LTBP1: variants seen among roughly 807,000 people sequenced by gnomAD.
LTBP1 encodes the protein latent-transforming growth factor beta-binding protein 1.
A neutral mutation model predicts 207.6 loss-of-function variants in LTBP1; 129 were observed. The observed-to-expected ratio is 0.62, with a 90% CI of 0.54 to 0.72. The LOEUF is 0.72. LTBP1 is among the 30% of genes least tolerant of loss of function. The pLI, the probability that LTBP1 is intolerant of heterozygous loss-of-function variation, is 0.00. For synonymous variants in LTBP1, 963 were observed against 833.7 expected (o/e 1.16, Z -2.67); for missense variants, 2,281 against 2,217.2 (o/e 1.03, Z -0.58).
At chr2:33,192,577 C>G (rs1223454246) in intron 7 of LTBP1, among the ~76,000 whole-genome samples, 1 of 150,830 alleles carries the variant, frequency 6.6e-6, no homozygotes, top group East Asian at 1.9e-4. Flanking sequence ...TAGAAAGAGA[C>G]ACAAAAAATA....
chr2:33,041,363 C>T (rs1228094386), intron 3 of LTBP1, among the ~76,000 whole-genome samples: 1 of 152,140 alleles, frequency 6.6e-6, no homozygotes. Flanking sequence ...CGGCTCACTG[C>T]AACCTCCGCC....
At chr2:33,329,424 T>G (rs1315366256) in intron 24 of LTBP1, among the ~76,000 whole-genome samples, 1 of 152,198 alleles carries the variant, frequency 6.6e-6, no homozygotes, top group East Asian at 1.9e-4. Flanking sequence ...GTGTTTTAAT[T>G]GTTTTATTTC....
At chr2:33,261,078 G>T (rs191921165) in intron 13 of LTBP1, among the ~76,000 whole-genome samples, 2 of 152,304 alleles carry the variant, frequency 1.3e-5, no homozygotes, top group East Asian at 3.9e-4. Context: ...GACAGCAAGG[G>T]TCATGAAAGA....
chr2:33,206,827 A>C (rs1044315462), intron 7 of LTBP1, among the ~76,000 whole-genome samples: 1 of 151,988 alleles, frequency 6.6e-6, no homozygotes, highest in Non-Finnish European at 1.5e-5. Context: ...GATAGTAATC[A>C]TGGCTATATG....
chr2:33,356,789 G>A (rs2094867592), intron 26 of LTBP1, among the ~76,000 whole-genome samples: 2 of 152,188 alleles, frequency 1.3e-5, no homozygotes, highest in African/African-American at 2.4e-5. Context: ...AAACATTAAT[G>A]CCTGTAGCAT....
At chr2:33,076,306 G>C (rs2078076295) in intron 3 of LTBP1, among the ~76,000 whole-genome samples, 1 of 152,160 alleles carries the variant, frequency 6.6e-6, no homozygotes. Context: ...ACTTTAGTTA[G>C]ATCTACATTT....
rs12475046 is a variant in LTBP1 at position 33,139,762 on chromosome 2, C to G, written c.1201+4802C>G. Reference sequence around the variant, plus strand: ...TTGACATGGGAAAGAAGAATTTACCCCCCTAGAATTGGGCATGGAGATGTG... The same window carrying G: ...TTGACATGGGAAAGAAGAATTTACCGCCCTAGAATTGGGCATGGAGATGTG... On this transcript the variant is annotated intron_variant, in intron 5 of 33. Coordinates refer to ENST00000404816, the MANE Select transcript of LTBP1 (RefSeq NM_206943.4). Among the ~76,000 whole-genome samples, 534 of 152,216 alleles carry G rather than the reference C, an allele frequency of 3.5e-3. 2 individuals are homozygous for G. Among genetic ancestry groups the G allele is most frequent in the Non-Finnish European group, 6.0e-3 (407 of 68,024 alleles).
intron 20 of LTBP1, among the ~76,000 whole-genome samples, 158 bp from the exon 21 acceptor site, chr2:33,300,293 C>A (rs765241086): frequency 6.6e-6 from 1 of 152,130 alleles, no homozygotes; most frequent in South Asian, 2.1e-4. Context: ...GAGGTTGATA[C>A]AACAGCATGG....
chr2:33,335,764 C>G (rs1404765923), intron 24 of LTBP1, among the ~76,000 whole-genome samples: 1 of 152,160 alleles, frequency 6.6e-6, no homozygotes, highest in East Asian at 1.9e-4. Context: ...GAGATTTACT[C>G]TCTCCTAGCC....
At chr2:33,145,161 A>G (rs999561921) in intron 5 of LTBP1, among the ~76,000 whole-genome samples, 6 of 152,274 alleles carry the variant, frequency 3.9e-5, no homozygotes, top group Middle Eastern at 3.4e-3. Context: ...GGCCTAAGGA[A>G]TGGTTTACTG....
In LTBP1 at chr2:33,389,341, T is replaced by C. The variant is rs1301777634; in HGVS notation, c.4834+35T>C. The C allele has an allele frequency of 1.9e-6, 3 of 1,612,060 alleles. No individual in the cohort carries two copies. The East Asian group carries it at 6.7e-5, about 36-fold the overall frequency. On this transcript the variant is annotated intron_variant, in intron 32 of 33. Coordinates refer to ENST00000404816, the MANE Select transcript of LTBP1 (RefSeq NM_206943.4). ...ATAACCTTGTTCCTTTGATACTAAGTTGTGGTTGAAGATTAATCAGTGGTC... is the reference window on the plus strand; with the variant it reads ...ATAACCTTGTTCCTTTGATACTAAGCTGTGGTTGAAGATTAATCAGTGGTC...
intron 2 of LTBP1, among the ~76,000 whole-genome samples, chr2:33,020,445 A>G (rs1460067993): frequency 3.9e-5 from 6 of 152,240 alleles, no homozygotes; most frequent in Admixed American, 3.9e-4. Flanking sequence ...TAACTTTAAA[A>G]TAATGGCAGA....
chr2:33,341,684 CT>C (rs2094623031), intron 24 of LTBP1, among the ~76,000 whole-genome samples: 1 of 134,932 alleles, frequency 7.4e-6, no homozygotes, highest in South Asian at 2.3e-4. Flanking sequence ...GCACTCCAGC[CT>C]GGGCGACAGA....
At chr2:33,318,320 G>A (rs1559002782) in intron 24 of LTBP1, among the ~76,000 whole-genome samples, 1 of 152,182 alleles carries the variant, frequency 6.6e-6, no homozygotes, top group Non-Finnish European at 1.5e-5. Flanking sequence ...TGGGAAGTAG[G>A]TGGTGGGTGG....
At position 33,259,578 on chromosome 2, in the gene LTBP1, C is replaced by A; in HGVS notation, c.2396-10C>A. 6.3e-7 allele frequency: 1 copy of A among 1,593,598 alleles called. No homozygotes were observed. The highest frequency in any genetic ancestry group is 8.5e-7 in the Non-Finnish European group (1 of 1,170,820). ...ATGGTACTAATACCCTTTTTCTTTTCTGGTTTTAGTGGCAACTGCACCCCC... is the reference window on the plus strand; with the variant it reads ...ATGGTACTAATACCCTTTTTCTTTTATGGTTTTAGTGGCAACTGCACCCCC... On this transcript the variant is annotated splice_polypyrimidine_tract_variant and intron_variant, in intron 12 of 33. Coordinates refer to ENST00000404816, the MANE Select transcript of LTBP1 (RefSeq NM_206943.4).
intron 3 of LTBP1, among the ~76,000 whole-genome samples, chr2:33,034,267 A>G (rs1030223495): frequency 6.6e-6 from 1 of 151,772 alleles, no homozygotes; most frequent in Non-Finnish European, 1.5e-5. Context: ...TATTTCTCAG[A>G]CTTCTTTAGA....
intron 5 of LTBP1, among the ~76,000 whole-genome samples, chr2:33,166,488 C>G (rs2084930311): frequency 6.6e-6 from 1 of 152,102 alleles, no homozygotes; most frequent in African/African-American, 2.4e-5. Context: ...GATTCTTATC[C>G]TGTACAGAAT....
At chr2:33,125,336 A>G (rs1194336406) in intron 4 of LTBP1, among the ~76,000 whole-genome samples, 2 of 152,094 alleles carry the variant, frequency 1.3e-5, no homozygotes, top group East Asian at 1.9e-4. Context: ...CATGATTGTC[A>G]TGTGTATTTG....
intron 3 of LTBP1, among the ~76,000 whole-genome samples, chr2:33,036,538 A>G (rs1343186063): frequency 6.6e-6 from 1 of 151,762 alleles, no homozygotes; most frequent in Non-Finnish European, 1.5e-5. Flanking sequence ...GCTCACTGCA[A>G]CCTCCGCCTC....
Sources: allele counts gnomAD v4.1 joint callset (sites outside exome capture counted in the v4.1 genomes callset), GRCh38; gene constraint gnomAD v4.1.1; transcripts MANE v1.5; gene names NCBI Gene and HGNC (gene_info 2026-07-23, HGNC 2026-07-21).